Variants in PARD3B observed in about 807,000 individuals in gnomAD.
PARD3B encodes the protein partitioning defective 3 homolog B.
A neutral mutation model predicts 130.2 loss-of-function variants in PARD3B; 103 were observed. The ratio of observed to expected loss-of-function variants is 0.79; its 90% CI spans 0.67 to 0.93. The LOEUF (loss-of-function observed/expected upper bound fraction) is 0.93. Among genes scored for constraint, PARD3B ranks in the 40% least tolerant of loss-of-function variants. The probability of loss-of-function intolerance (pLI) is 0.00; values close to 1 mark genes in which losing one functional copy is unlikely to be tolerated. For missense variants in PARD3B, 1,609 were observed against 1,499.2 expected, an observed-to-expected ratio of 1.07 and a Z score of -1.21; for synonymous variants, 583 against 553.2, an observed-to-expected ratio of 1.05 and a Z score of -0.76.
At chr2:205,318,591 T>C (rs1250040783) in intron 18 of PARD3B, among the ~76,000 whole-genome samples, 1 of 152,216 alleles carries the variant, frequency 6.6e-6, no homozygotes, top group African/African-American at 2.4e-5. Flanking sequence ...TATATTGTGA[T>C]GGGGAGAGGG....
chr2:205,115,199 T>C (rs1003224349), intron 6 of PARD3B, among the ~76,000 whole-genome samples: 5 of 152,146 alleles, frequency 3.3e-5, no homozygotes, highest in African/African-American at 1.2e-4. Flanking sequence ...ACGAGGGAAA[T>C]ACACTAAGCT....
At position 205,095,261 on chromosome 2, in the gene PARD3B, G is replaced by C. The variant is rs554125417; in HGVS notation, c.505-9165G>C. On this transcript the variant is annotated intron_variant, in intron 4 of 22. Coordinates refer to ENST00000406610, the MANE Select transcript of PARD3B (RefSeq NM_001302769.2). ...GGAAAATTAGCTATAACTGAATGTG[G>C]GAAAGAATCCAATTATAAATAGAAA... Among the ~76,000 whole-genome samples, 28 of 152,086 alleles carry C rather than the reference G, an allele frequency of 1.8e-4. 1 individual carries two copies. The highest frequency in any genetic ancestry group is 1.5e-3 in the East Asian group (8 of 5,174).
intron 16 of PARD3B, among the ~76,000 whole-genome samples, chr2:205,251,376 T>G (rs868761830): frequency 3.9e-5 from 6 of 152,298 alleles, no homozygotes; most frequent in South Asian, 4.1e-4. Context: ...TTGTGTATCC[T>G]TATAACAAAG....
intron 21 of PARD3B, among the ~76,000 whole-genome samples, chr2:205,514,751 G>C (rs1432475271): frequency 1.3e-5 from 2 of 151,542 alleles, no homozygotes; most frequent in Non-Finnish European, 2.9e-5. Context: ...GCATACTCCA[G>C]GCTTTCTTTA....
At position 205,536,667 on chromosome 2, in the gene PARD3B, G is replaced by A. The variant is rs185365083; in HGVS notation, c.3181-16657G>A. 5.3e-3 allele frequency among the ~76,000 whole-genome samples: 801 copies of A among 152,098 alleles called. 10 individuals carry two copies. Among genetic ancestry groups the A allele is most frequent in the Non-Finnish European group, 6.5e-3 (440 of 67,982 alleles). On this transcript the variant is annotated intron_variant, in intron 21 of 22. Transcript: ENST00000406610. The stretch of plus-strand genomic sequence containing the variant: ...AGAGACCTGTCCCTAAACTATATTG[G>A]GCCAATGAACAAATTCAGGAATGTA...
intron 16 of PARD3B, among the ~76,000 whole-genome samples, chr2:205,277,440 C>T (rs1445299632): frequency 6.6e-6 from 1 of 152,080 alleles, no homozygotes; most frequent in African/African-American, 2.4e-5. Context: ...ATGCTTGGTA[C>T]TCAATAAATA....
At chr2:205,040,128 T>C (rs1390486484) in intron 3 of PARD3B, among the ~76,000 whole-genome samples, 1 of 151,902 alleles carries the variant, frequency 6.6e-6, no homozygotes, top group Non-Finnish European at 1.5e-5. Context: ...CATGCCCAGC[T>C]AATTTTTATG....
chr2:204,837,929 G>A (rs531030151), intron 2 of PARD3B, among the ~76,000 whole-genome samples: 1 of 152,216 alleles, frequency 6.6e-6, no homozygotes, highest in East Asian at 1.9e-4. Flanking sequence ...CCCACCCCCA[G>A]TTTGGTTCAT....
intron 2 of PARD3B, among the ~76,000 whole-genome samples, chr2:204,816,764 T>C (rs982662556): frequency 1.3e-5 from 2 of 152,014 alleles, no homozygotes; most frequent in African/African-American, 4.8e-5. Flanking sequence ...TTGAGCTTCC[T>C]GGATCTGTGA....
intron 19 of PARD3B, among the ~76,000 whole-genome samples, chr2:205,439,323 C>T (rs907517258): frequency 3.9e-5 from 6 of 152,084 alleles, no homozygotes; most frequent in African/African-American, 9.7e-5. Flanking sequence ...TTTCTTTAGC[C>T]GCCTGAGCCA....
intron 10 of PARD3B, among the ~76,000 whole-genome samples, chr2:205,153,718 A>T (rs915171491): frequency 2.6e-5 from 4 of 152,202 alleles, no homozygotes; most frequent in African/African-American, 4.8e-5. Flanking sequence ...ATGGAACAGA[A>T]CAGAGCCCTC....
At chr2:204,695,136 G>T (rs1478463579) in intron 2 of PARD3B, among the ~76,000 whole-genome samples, 1 of 151,944 alleles carries the variant, frequency 6.6e-6, no homozygotes, top group East Asian at 1.9e-4. Flanking sequence ...CATCTTTACA[G>T]TATGCCTTTC....
chr2:205,088,843 G>C (rs1701910019), intron 4 of PARD3B, among the ~76,000 whole-genome samples: 1 of 151,064 alleles, frequency 6.6e-6, no homozygotes, highest in Admixed American at 6.6e-5. Flanking sequence ...CGTCAGGCTG[G>C]AGTGTAGTGG....
intron 1 of PARD3B, among the ~76,000 whole-genome samples, chr2:204,578,585 G>T (rs2125077394): frequency 6.6e-6 from 1 of 152,250 alleles, no homozygotes; most frequent in Admixed American, 6.5e-5. Flanking sequence ...TCATGAGAAA[G>T]ATGTAAACTA....
chr2:205,291,418 A>G lies in PARD3B; in HGVS notation c.2186-9112A>G, dbSNP rs183493324. Reference sequence around the variant, plus strand: ...CATTCTTATGAGGTCTCAGATGGAAATGAGGAACATGTTATTCACGGAAAC... The same window carrying G: ...CATTCTTATGAGGTCTCAGATGGAAGTGAGGAACATGTTATTCACGGAAAC... On this transcript the variant is annotated intron_variant, in intron 16 of 22. Coordinates refer to ENST00000406610, the MANE Select transcript of PARD3B (RefSeq NM_001302769.2). The surrounding 1 kb of genome is among the most constrained non-coding windows in gnomAD (Gnocchi z 4.6). 2.8e-3 allele frequency among the ~76,000 whole-genome samples: 433 copies of G among 152,322 alleles called. No individual in the cohort carries two copies. The highest frequency in any genetic ancestry group is 0.01 in the African/African-American group (424 of 41,578).
intron 20 of PARD3B, among the ~76,000 whole-genome samples, chr2:205,495,874 AT>A: frequency 6.6e-6 from 1 of 152,244 alleles, no homozygotes; most frequent in East Asian, 1.9e-4. Context: ...ATCCATCAGT[AT>A]TTTTTGAGGT....
chr2:204,747,505 C>T (rs2040290028), intron 2 of PARD3B, among the ~76,000 whole-genome samples: 1 of 152,094 alleles, frequency 6.6e-6, no homozygotes, highest in African/African-American at 2.4e-5. Context: ...GGCCATACTG[C>T]CCAAGGTAAT....
intron 1 of PARD3B, among the ~76,000 whole-genome samples, chr2:204,552,847 C>A (rs537867967): frequency 6.6e-6 from 1 of 152,126 alleles, no homozygotes; most frequent in African/African-American, 2.4e-5. Flanking sequence ...TATTTCTGTT[C>A]CAATGGTCTA....
At position 205,351,892 on chromosome 2, in the gene PARD3B, TC is replaced by T. The variant is rs2044007764; in HGVS notation, c.2631-49118del. On this transcript the variant is annotated intron_variant, in intron 18 of 22. Transcript: ENST00000406610. The surrounding 1 kb of genome is among the most constrained non-coding windows in gnomAD (Gnocchi z 4.2). ...GAGGGATCTGTTTGTATACATAACATCCCAGTGTCTTTCTGTCAAGCTACCT... is the reference window on the plus strand; with the variant it reads ...GAGGGATCTGTTTGTATACATAACATCCAGTGTCTTTCTGTCAAGCTACCT... Among the ~76,000 whole-genome samples, 1 of 152,000 alleles carries T rather than the reference TC, an allele frequency of 6.6e-6. No individual in the cohort carries two copies. Among genetic ancestry groups the T allele is most frequent in the African/African-American group, 2.4e-5 (1 of 41,358 alleles).
Sources: gnomAD v4.1 joint callset for allele counts (sites outside exome capture counted in the v4.1 genomes callset) on GRCh38, gnomAD v4.1.1 for gene constraint, Gnocchi (gnomAD v3.1) non-coding constraint, MANE v1.5 for transcripts, NCBI Gene and HGNC (gene_info 2026-07-23, HGNC 2026-07-21) for gene names.